Variants in CORIN observed in about 807,000 individuals in gnomAD.
CORIN encodes atrial natriuretic peptide-converting enzyme.
A neutral mutation model predicts 125.3 loss-of-function variants in CORIN; 117 were observed. The observed-to-expected ratio is 0.93, with a 90% CI of 0.80 to 1.09. The LOEUF is 1.09. Ranked by LOEUF, CORIN falls within the 50% of genes least tolerant of loss-of-function variation. CORIN has a pLI of 0.00. For synonymous variants in CORIN, 450 were observed against 466.4 expected, an observed-to-expected ratio of 0.96 and a Z score of 0.45; for missense variants, 1,253 against 1,306.7, an observed-to-expected ratio of 0.96 and a Z score of 0.63.
At chr4:47,816,849 C>T (rs1004001191) in intron 1 of CORIN, among the ~76,000 whole-genome samples, 2 of 102,830 alleles carry the variant, frequency 1.9e-5, no homozygotes, top group African/African-American at 3.3e-5. Flanking sequence ...CACACGTGCA[C>T]ACACACACAC....
chr4:47,829,157 C>CAA (rs35771383), intron 1 of CORIN, among the ~76,000 whole-genome samples: 1,221 of 64,314 alleles, frequency 0.019, 163 homozygotes, highest in African/African-American at 0.081. Context: ...GACTCCGTCT[C>CAA]AAAAAAAAAA....
At chr4:47,767,563 T>C (rs1050927295) in intron 3 of CORIN, among the ~76,000 whole-genome samples, 1 of 152,152 alleles carries the variant, frequency 6.6e-6, no homozygotes, top group Non-Finnish European at 1.5e-5. Context: ...GCCCATGTAA[T>C]TTATCATCCT....
chr4:47,702,228 A>G (rs1319055522), intron 5 of CORIN, among the ~76,000 whole-genome samples: 1 of 152,220 alleles, frequency 6.6e-6, no homozygotes, highest in African/African-American at 2.4e-5. Context: ...ATAAAATGAT[A>G]GCAATGGAAC....
intron 9 of CORIN, 36 bp downstream of exon 9, chr4:47,677,902 G>T: frequency 1.4e-6 from 2 of 1,412,456 alleles, no homozygotes; most frequent in Non-Finnish European, 2.0e-6. Flanking sequence ...AGGACCACCA[G>T]TAAAGGAATG....
chr4:47,653,646 G>GACTA lies in CORIN; in HGVS notation c.1746_1749dup (p.His584Ter), dbSNP rs763359972. 1.2e-6 allele frequency: 2 copies of GACTA among 1,613,888 alleles called. No individual in the cohort carries two copies. The highest frequency in any genetic ancestry group is 2.7e-5 in the African/African-American group (2 of 75,042). On this transcript the variant is annotated stop_gained and frameshift_variant, in exon 13 of 22. Transcript: ENST00000273857. LOFTEE classifies it high-confidence loss of function. ...CACTGTCCTGAGCGGCACTTGAAAT[G>GACTA]ACTAGGTGAGCATTCTATTAAAAAC...
chr4:47,671,336 G>T (rs576145690), intron 10 of CORIN, among the ~76,000 whole-genome samples: 1 of 152,200 alleles, frequency 6.6e-6, no homozygotes, highest in African/African-American at 2.4e-5. Context: ...TTTTCCTTTG[G>T]CATCAAGCAG....
At chr4:47,723,635 A>G (rs1727451915) in intron 5 of CORIN, among the ~76,000 whole-genome samples, 1 of 152,218 alleles carries the variant, frequency 6.6e-6, no homozygotes, top group Non-Finnish European at 1.5e-5. Context: ...AGAGAATTCT[A>G]ACAGGACCCA....
intron 5 of CORIN, among the ~76,000 whole-genome samples, chr4:47,696,258 G>A (rs1725998207): frequency 6.6e-6 from 1 of 152,126 alleles, no homozygotes; most frequent in Non-Finnish European, 1.5e-5. Context: ...CCCTTAGGAT[G>A]ACAAAGGGAG....
At chr4:47,628,890 T>C (rs547049305) in intron 16 of CORIN, among the ~76,000 whole-genome samples, 1 of 152,282 alleles carries the variant, frequency 6.6e-6, no homozygotes, top group South Asian at 2.1e-4. Flanking sequence ...AAGAAATATA[T>C]ATTCTATTGT....
intron 2 of CORIN, among the ~76,000 whole-genome samples, chr4:47,805,044 G>C (rs1428789878): frequency 1.3e-5 from 2 of 150,532 alleles, no homozygotes; most frequent in Non-Finnish European, 3.0e-5. Context: ...GCTGAGGCAG[G>C]AGAATGGCGT....
chr4:47,773,678 A>C (rs1300083689), intron 3 of CORIN, among the ~76,000 whole-genome samples: 1 of 152,152 alleles, frequency 6.6e-6, no homozygotes, highest in Non-Finnish European at 1.5e-5. Flanking sequence ...CATACTCAAA[A>C]GGAAACATTT....
At chr4:47,687,735 G>A (rs776064136) in intron 6 of CORIN, among the ~76,000 whole-genome samples, 1 of 152,110 alleles carries the variant, frequency 6.6e-6, no homozygotes, top group African/African-American at 2.4e-5. Flanking sequence ...GATTAAATAT[G>A]GAAAGGACCA....
At chr4:47,788,093 C>A (rs554941167) in intron 2 of CORIN, among the ~76,000 whole-genome samples, 1 of 152,240 alleles carries the variant, frequency 6.6e-6, no homozygotes, top group East Asian at 1.9e-4. Context: ...TCCAGAATAT[C>A]GCACTGTACT....
chr4:47,609,848 A>T (rs1323643175), intron 19 of CORIN, among the ~76,000 whole-genome samples: 8 of 152,174 alleles, frequency 5.3e-5, no homozygotes, highest in African/African-American at 1.9e-4. Context: ...CAGTGAGAAC[A>T]TGTGGTATTT....
At chr4:47,626,565 T>TTGTA in intron 16 of CORIN, 44 bp from the exon 17 acceptor site, 7 of 1,151,496 alleles carry the variant, frequency 6.1e-6, no homozygotes, top group Non-Finnish European at 7.9e-6. Context: ...AGTACAATGA[T>TTGTA]CTTTGAACAG....
chr4:47,652,501 A>G (rs948656906), intron 13 of CORIN, among the ~76,000 whole-genome samples: 3 of 152,218 alleles, frequency 2.0e-5, no homozygotes, highest in Non-Finnish European at 4.4e-5. Context: ...ATCATAACCA[A>G]ACAATTCTGT....
chr4:47,768,804 G>A (rs548332559), intron 3 of CORIN, among the ~76,000 whole-genome samples: 1 of 152,052 alleles, frequency 6.6e-6, no homozygotes, highest in Non-Finnish European at 1.5e-5. Flanking sequence ...AACAAATTAG[G>A]TATAGAAGAA....
In CORIN at chr4:47,615,419, T is replaced by C. The variant is rs189750881; in HGVS notation, c.2540+8152A>G. Among the ~76,000 whole-genome samples, 9 of 152,360 alleles carry C rather than the reference T, an allele frequency of 5.9e-5. No individual in the cohort carries two copies. The East Asian group carries it at 1.5e-3, about 26-fold the overall frequency. On this transcript the variant is annotated intron_variant, in intron 19 of 21. Coordinates refer to ENST00000273857, the MANE Select transcript of CORIN (RefSeq NM_006587.4). ...TAGGAAACTGTTTCAGTAGTCATTA[T>C]GGATTGGTCGTGTCCCTCTAAAATC...
intron 5 of CORIN, among the ~76,000 whole-genome samples, chr4:47,715,637 A>G (rs896444514): frequency 5.3e-5 from 8 of 152,154 alleles, no homozygotes; most frequent in South Asian, 2.1e-4. Context: ...GGAACCAGGA[A>G]TAATCTACCA....
Sources: gnomAD v4.1 joint callset for allele counts (sites outside exome capture counted in the v4.1 genomes callset) on GRCh38, gnomAD v4.1.1 for gene constraint, MANE v1.5 for transcripts, NCBI Gene and HGNC (gene_info 2026-07-23, HGNC 2026-07-21) for gene names.